RBFOX1: variants seen among roughly 807,000 people sequenced by gnomAD.
RBFOX1 encodes the protein RNA binding fox-1 homolog 1, also known as RNA binding protein fox-1 homolog 1.
In RBFOX1, 8 loss-of-function variants were observed where a neutral mutation model predicts 57.7. The ratio of observed to expected loss-of-function variants is 0.14; its 90% CI spans 0.08 to 0.25. The LOEUF is 0.25. RBFOX1 is among the 10% of genes least tolerant of loss of function. The pLI, the probability that RBFOX1 is intolerant of heterozygous loss-of-function variation, is 1.00. For missense variants in RBFOX1, 611 were observed against 548.5 expected, an observed-to-expected ratio of 1.11 and a Z score of -1.14; for synonymous variants, 326 against 222.4, an observed-to-expected ratio of 1.47 and a Z score of -4.15.
At chr16:7,551,776 G>A (rs2086619285) in intron 5 of RBFOX1, among the ~76,000 whole-genome samples, 1 of 152,116 alleles carries the variant, frequency 6.6e-6, no homozygotes, top group African/African-American at 2.4e-5. Flanking sequence ...GCTTGAAATA[G>A]GCCATGATGT....
chr16:5,494,461 G>A (rs1008508666), intron 2 of RBFOX1, among the ~76,000 whole-genome samples: 1 of 152,310 alleles, frequency 6.6e-6, no homozygotes, highest in South Asian at 2.1e-4. Flanking sequence ...AATTACTCTG[G>A]GGGCATTGAT....
chr16:7,340,862 G>A (rs1568300317), intron 4 of RBFOX1, among the ~76,000 whole-genome samples: 1 of 152,140 alleles, frequency 6.6e-6, no homozygotes, highest in African/African-American at 2.4e-5. Flanking sequence ...TATAAAAAGG[G>A]TGTCTTGCTG....
chr16:6,239,485 C>CTT lies in RBFOX1; in HGVS notation c.-126-77482_-126-77481dup, dbSNP rs59244306. ...ATAACTTATTCTTCTCCAACTGACT[C>CTT]TTTTTTTTTTTTTTTTTTTTTTTTT... On this transcript the variant is annotated intron_variant, in intron 1 of 15. Coordinates refer to ENST00000550418, the MANE Select transcript of RBFOX1 (RefSeq NM_018723.4). Among the ~76,000 whole-genome samples the CTT allele has an allele frequency of 3.8e-4, 26 of 67,800 alleles. 3 individuals are homozygous for CTT. The highest frequency in any genetic ancestry group is 1.7e-3 in the South Asian group (2 of 1,164). The allele number at this position is 67,800 out of a possible 152,430, so 44.5% of individuals were successfully genotyped here. A position where few individuals can be genotyped will look rare whatever the true frequency, so the allele number is the denominator to read the frequency against.
At chr16:6,100,348 G>T (rs554555500) in intron 1 of RBFOX1, among the ~76,000 whole-genome samples, 11 of 152,270 alleles carry the variant, frequency 7.2e-5, no homozygotes, top group African/African-American at 2.4e-4. Flanking sequence ...ATTTTTAGTA[G>T]AGACGGGGTT....
intron 4 of RBFOX1, among the ~76,000 whole-genome samples, chr16:7,382,550 T>C (rs929991017): frequency 6.6e-6 from 1 of 152,228 alleles, no homozygotes; most frequent in South Asian, 2.1e-4. Context: ...ACTCACCGAA[T>C]TGATTCCATT....
intron 4 of RBFOX1, among the ~76,000 whole-genome samples, chr16:5,891,862 G>T (rs771047390): frequency 1.8e-4 from 27 of 152,200 alleles, no homozygotes; most frequent in Non-Finnish European, 3.5e-4. Flanking sequence ...CTGTTCTGAG[G>T]GATTCTAGGA....
At chr16:5,423,003 A>C (rs1461529366) in intron 1 of RBFOX1, among the ~76,000 whole-genome samples, 1 of 72,968 alleles carries the variant, frequency 1.4e-5, no homozygotes, top group Admixed American at 1.3e-4. Context: ...GGAGGGGAGG[A>C]AGGAGGAGAA....
upstream of RBFOX1, among the ~76,000 whole-genome samples, chr16:6,018,680 A>G (rs532023448): frequency 2.6e-3 from 402 of 152,292 alleles, 2 homozygotes; most frequent in African/African-American, 8.5e-3. Flanking sequence ...AAGACTTGCC[A>G]GAAAACTTCC....
At chr16:6,460,345 C>G (rs1000445487) in intron 2 of RBFOX1, among the ~76,000 whole-genome samples, 1 of 151,970 alleles carries the variant, frequency 6.6e-6, no homozygotes, top group Admixed American at 6.6e-5. Context: ...TTTTTGCAAT[C>G]TATCCGTCTG....
At chr16:6,040,953 C>T (rs2095429943) in intron 1 of RBFOX1, among the ~76,000 whole-genome samples, 1 of 152,150 alleles carries the variant, frequency 6.6e-6, no homozygotes, top group Non-Finnish European at 1.5e-5. Flanking sequence ...CATATCCATT[C>T]ATCTTTTGAT....
At chr16:6,702,564 A>C (rs557454377) in intron 3 of RBFOX1, among the ~76,000 whole-genome samples, 127 of 150,172 alleles carry the variant, frequency 8.5e-4, no homozygotes, top group African/African-American at 3.0e-3. Context: ...AAAAAAAAAA[A>C]ACAAAAATCC....
chr16:5,803,079 C>T (rs2055110585), intron 3 of RBFOX1, among the ~76,000 whole-genome samples: 1 of 152,150 alleles, frequency 6.6e-6, no homozygotes, highest in Non-Finnish European at 1.5e-5. Flanking sequence ...ATCTTTAGCA[C>T]CCAGACAATG....
chr16:6,347,162 A>G (rs922492260), intron 2 of RBFOX1, among the ~76,000 whole-genome samples: 1 of 152,194 alleles, frequency 6.6e-6, no homozygotes, highest in African/African-American at 2.4e-5. Flanking sequence ...AATGGGCAAT[A>G]AAGCCATTTG....
chr16:6,426,955 C>G (rs2093946759), intron 2 of RBFOX1, among the ~76,000 whole-genome samples: 2 of 152,166 alleles, frequency 1.3e-5, no homozygotes, highest in South Asian at 2.1e-4. Flanking sequence ...CAGTGTTTTG[C>G]CTTTTCAGTA....
At chr16:7,269,728 C>A (rs1283026955) in intron 4 of RBFOX1, among the ~76,000 whole-genome samples, 1 of 152,110 alleles carries the variant, frequency 6.6e-6, no homozygotes, top group Admixed American at 6.5e-5. Flanking sequence ...TTCTTATACT[C>A]AAGTCTTTGT....
intron 11 of RBFOX1, among the ~76,000 whole-genome samples, chr16:7,648,004 A>AT (rs933429765): frequency 1.3e-5 from 2 of 152,156 alleles, no homozygotes; most frequent in African/African-American, 2.4e-5. Context: ...TCAAATATAC[A>AT]TTTTACCATG....
At chr16:7,617,877 G>C (rs1402851933) in intron 10 of RBFOX1, among the ~76,000 whole-genome samples, 1 of 152,284 alleles carries the variant, frequency 6.6e-6, no homozygotes, top group Non-Finnish European at 1.5e-5. Flanking sequence ...GGTGTAAATT[G>C]AGTCTTAAAG....
intron 9 of RBFOX1, among the ~76,000 whole-genome samples, chr16:7,606,212 C>T (rs997130372): frequency 2.0e-5 from 3 of 150,950 alleles, no homozygotes; most frequent in Admixed American, 6.7e-5. Flanking sequence ...ACCTCTGCCT[C>T]CCAGGTTCAG....
At chr16:7,240,723 T>A (rs1200240203) in intron 4 of RBFOX1, among the ~76,000 whole-genome samples, 1 of 152,154 alleles carries the variant, frequency 6.6e-6, no homozygotes, top group Non-Finnish European at 1.5e-5. Flanking sequence ...CCTGGCTAAT[T>A]TTTGTAGTTT....
Sources: allele counts gnomAD v4.1 joint callset (sites outside exome capture counted in the v4.1 genomes callset), GRCh38; gene constraint gnomAD v4.1.1; transcripts MANE v1.5; gene names NCBI Gene and HGNC (gene_info 2026-07-23, HGNC 2026-07-21).